The following TMEM63A variants were observed in gnomAD, a reference collection of about 807,000 sequenced individuals.
The protein encoded by TMEM63A is mechanosensitive cation channel TMEM63A.
Under a neutral mutation model 100.6 loss-of-function variants are expected in TMEM63A, and 76 were observed. That is an observed-to-expected ratio of 0.76 (90% CI 0.63 to 0.91). The LOEUF is 0.91. Ranked by LOEUF, TMEM63A falls within the 40% of genes least tolerant of loss-of-function variation. The pLI, the probability that TMEM63A is intolerant of heterozygous loss-of-function variation, is 0.00. For missense variants in TMEM63A, 876 were observed against 1,008.8 expected, an observed-to-expected ratio of 0.87 and a Z score of 1.78; for synonymous variants, 401 against 401.1, an observed-to-expected ratio of 1.00 and a Z score of 0.00.
intron 1 of TMEM63A, among the ~76,000 whole-genome samples, chr1:225,881,203 TTA>T (rs1468321658): frequency 2.6e-5 from 4 of 152,120 alleles, no homozygotes; most frequent in African/African-American, 4.8e-5. Context: ...GGCTCAGGGA[TTA>T]TGTGAGCAGG....
At position 225,865,573 on chromosome 1, in the gene TMEM63A, AG is replaced by A. The variant is rs1345651436; in HGVS notation, c.746+323del. On this transcript the variant is annotated intron_variant, in intron 10 of 24. Coordinates refer to ENST00000366835, the MANE Select transcript of TMEM63A (RefSeq NM_014698.3). This position sits in a 1 kb window ranked among gnomAD's most constrained non-coding sequence, Gnocchi z 4.6. ...CTCTTATTCTGCAAAGGTGATGCTA[AG>A]AACCCCGGGGTCAACAATTTTTTCC... is the stretch of plus-strand genomic sequence containing the variant. 1.9e-5 allele frequency: 5 copies of A among 268,072 alleles called. No homozygotes were observed. The highest frequency in any genetic ancestry group is 1.1e-4 in the African/African-American group (5 of 46,788). 16.6% of individuals were successfully genotyped at this position (268,072 alleles called of 1,614,324 possible).
chr1:225,850,044 G>A lies in TMEM63A; in HGVS notation c.1939C>T (p.Arg647Trp), dbSNP rs758628572. 28 of 1,614,174 alleles carry A rather than the reference G, an allele frequency of 1.7e-5. No homozygotes were observed. Among genetic ancestry groups the A allele is most frequent in the Middle Eastern group, 1.6e-4 (1 of 6,062 alleles). Reference protein sequence around the residue: ...IYILLKHMVDRHNLYFVYLPA... With the variant: ...IYILLKHMVDWHNLYFVYLPA... ...AGGTAGACGAAGTAGAGGTTGTGCC[G>A]GTCCACCATGTGCTTGAGCAGGATG... Residue 647 changes from arginine (R) to tryptophan (W), a missense_variant, in exon 21 of 25, where the codon CGG (arginine) becomes TGG (tryptophan). By Grantham distance (101) the Arg-to-Trp change is moderately radical. This residue lies in a region of TMEM63A where 339 missense variants were observed against 342.3 expected (regional missense o/e 0.99). Coordinates refer to ENST00000366835, the MANE Select transcript of TMEM63A (RefSeq NM_014698.3).
intron 1 of TMEM63A, among the ~76,000 whole-genome samples, chr1:225,880,948 G>A (rs1559055543): frequency 6.6e-6 from 1 of 152,198 alleles, no homozygotes; most frequent in African/African-American, 2.4e-5. Context: ...CAAATTCAGG[G>A]TAATTTTATC....
chr1:225,874,387 C>T lies in TMEM63A; in HGVS notation c.187-20G>A. The T allele has an allele frequency of 6.2e-7, 1 of 1,605,342 alleles. No individual in the cohort carries two copies. Among genetic ancestry groups the T allele is most frequent in the Non-Finnish European group, 8.5e-7 (1 of 1,174,224 alleles). On this transcript the variant is annotated intron_variant, in intron 3 of 24. Transcript: ENST00000366835. Reference sequence around the variant, plus strand: ...TAAGAACTAAAAACAGAAAAGAAACCAAGTAAAAGCATATTGGATGGCTTC... The same window carrying T: ...TAAGAACTAAAAACAGAAAAGAAACTAAGTAAAAGCATATTGGATGGCTTC...
In TMEM63A at chr1:225,867,219, C is replaced by G. The variant is rs1164239591; in HGVS notation, c.515-56G>C. On this transcript the variant is annotated intron_variant, in intron 7 of 24. Transcript: ENST00000366835. This position sits in a 1 kb window ranked among gnomAD's most constrained non-coding sequence, Gnocchi z 4.6. ...GGTCATGTGGGGAAGCAGGAGGGGGCGTAACCAATCAGCCTTGGTTTGTGG... is the reference window on the plus strand; with the variant it reads ...GGTCATGTGGGGAAGCAGGAGGGGGGGTAACCAATCAGCCTTGGTTTGTGG... The G allele has an allele frequency of 6.4e-7, 1 of 1,571,946 alleles. No homozygotes were observed. The highest frequency in any genetic ancestry group is 8.8e-7 in the Non-Finnish European group (1 of 1,141,936).
intron 15 of TMEM63A, among the ~76,000 whole-genome samples, chr1:225,858,325 T>G (rs360079): frequency 0.56 from 73,742 of 131,338 alleles, 22,918 homozygotes; most frequent in Middle Eastern, 0.64. Context: ...TTTGTTTTTT[T>G]TTTTTTTTTT....
chr1:225,842,436 T>C (rs1351994335), downstream of TMEM63A: 5 of 1,614,044 alleles, frequency 3.1e-6, no homozygotes, highest in Admixed American at 3.3e-5. Context: ...CCTGGACCAA[T>C]ACGGAATTCC....
intron 20 of TMEM63A, among the ~76,000 whole-genome samples, chr1:225,851,220 G>A (rs984464467): frequency 6.6e-6 from 1 of 152,068 alleles, no homozygotes; most frequent in African/African-American, 2.4e-5. Flanking sequence ...CCACACCCCT[G>A]GCCTTCTCCC....
downstream of TMEM63A, chr1:225,844,463 C>G (rs529278472): frequency 1.4e-6 from 2 of 1,480,402 alleles, no homozygotes; most frequent in Non-Finnish European, 1.9e-6. Context: ...CTGCATGTGG[C>G]ACTGAGAGTG....
Position 225,850,090 on chromosome 1 carries a change from TG to T in TMEM63A, c.1904-12del, listed in dbSNP as rs1248385884. 6.2e-7 allele frequency: 1 copy of T among 1,613,828 alleles called. No individual in the cohort carries two copies. The highest frequency in any genetic ancestry group is 8.5e-7 in the Non-Finnish European group (1 of 1,179,838). On this transcript the variant is annotated splice_polypyrimidine_tract_variant and intron_variant, in intron 20 of 24. Coordinates refer to ENST00000366835, the MANE Select transcript of TMEM63A (RefSeq NM_014698.3). ...GGATGTAGATGAGGCCTGCAGGGGATGGGGCTGTGAGCTGGAGACCTCGCAG... is the reference window on the plus strand; with the variant it reads ...GGATGTAGATGAGGCCTGCAGGGGATGGGCTGTGAGCTGGAGACCTCGCAG...
Position 225,867,158 on chromosome 1 carries a change from C to T in TMEM63A, c.520G>A (p.Asp174Asn). The T allele has an allele frequency of 6.2e-7, 1 of 1,614,148 alleles. No homozygotes were observed. The highest frequency in any genetic ancestry group is 1.1e-5 in the South Asian group (1 of 91,080). ...VNLSGDLLDK[D>N]PYSFGRTTIA... ...GTTGTCCTCCCAAAACTATACGGGT[C>T]TTTGTCTGCAGAGAAGCACAGATAC... The change falls in exon 8 of 25, where the codon GAC becomes AAC. Residue 174 changes from aspartate (D) to asparagine (N), a missense_variant. Physicochemically the swap from Asp to Asn is conservative, Grantham distance 23. Transcript: ENST00000366835. This position sits in a 1 kb window ranked among gnomAD's most constrained non-coding sequence, Gnocchi z 4.6.
chr1:225,847,475 TA>T (rs1669076671), intron 23 of TMEM63A: 1 of 400,616 alleles, frequency 2.5e-6, no homozygotes, highest in Non-Finnish European at 4.5e-6. Context: ...CAGAGGAAAC[TA>T]AACTTCCTAG....
At chr1:225,849,551 T>C (rs528477828) in intron 21 of TMEM63A, among the ~76,000 whole-genome samples, 1 of 152,272 alleles carries the variant, frequency 6.6e-6, no homozygotes, top group African/African-American at 2.4e-5. Context: ...GGCACTATCT[T>C]CTCTCCAGGG....
intron 6 of TMEM63A, among the ~76,000 whole-genome samples, chr1:225,868,439 G>A (rs1670328540): frequency 6.6e-6 from 1 of 152,052 alleles, no homozygotes. Context: ...ACTTTGGGAG[G>A]CTGAGGCAGG....
downstream of TMEM63A, chr1:225,840,996 T>C (rs1169020141): frequency 6.6e-6 from 1 of 152,230 alleles, no homozygotes; most frequent in East Asian, 1.9e-4. Flanking sequence ...CAATCTCATA[T>C]AACCTCTTCT....
chr1:225,876,289 C>T (rs1021188159), intron 3 of TMEM63A, among the ~76,000 whole-genome samples: 7 of 151,560 alleles, frequency 4.6e-5, no homozygotes, highest in African/African-American at 7.3e-5. Context: ...GAAATCCACC[C>T]CCACACCCCT....
chr1:225,874,814 C>G (rs754796433), intron 3 of TMEM63A, among the ~76,000 whole-genome samples: 1 of 152,224 alleles, frequency 6.6e-6, no homozygotes, highest in East Asian at 1.9e-4. Context: ...CGGCTCACTG[C>G]AACTTCCCCT....
chr1:225,870,458 C>T (rs1670455700), intron 6 of TMEM63A, among the ~76,000 whole-genome samples: 1 of 151,980 alleles, frequency 6.6e-6, no homozygotes, highest in Admixed American at 6.6e-5. Flanking sequence ...CCCCCCGCCT[C>T]CTGGCTCCCT....
In TMEM63A at chr1:225,867,955, C is replaced by T. The variant is rs1312072655; in HGVS notation, c.447G>A (p.Leu149=). 1.9e-6 allele frequency: 3 copies of T among 1,614,156 alleles called. No homozygotes were observed. Among genetic ancestry groups the T allele is most frequent in the Middle Eastern group, 1.6e-4 (1 of 6,062 alleles). Residue 149 remains leucine, a synonymous_variant, in exon 7 of 25, where the codon CTG becomes CTA. Transcript: ENST00000366835. The surrounding 1 kb of genome is among the most constrained non-coding windows in gnomAD (Gnocchi z 4.6). ...YLSFQRHIIF[L]LVVVSFLSLC... Reference sequence around the variant, plus strand: ...GGGACAAAAAGCTGACCACCACCAACAGGAAGATGATGTGCCTCTGGAAGG... The same window carrying T: ...GGGACAAAAAGCTGACCACCACCAATAGGAAGATGATGTGCCTCTGGAAGG...
Sources: gnomAD v4.1 joint callset for allele counts (sites outside exome capture counted in the v4.1 genomes callset) on GRCh38, gnomAD v4.1.1 for gene constraint, gnomAD v4.1.1 regional missense constraint, Gnocchi (gnomAD v3.1) non-coding constraint, MANE v1.5 for transcripts, NCBI Gene and HGNC (gene_info 2026-07-23, HGNC 2026-07-21) for gene names.